Variants in ABCG1 observed in about 807,000 individuals in gnomAD.
ABCG1 encodes ATP-binding cassette sub-family G member 1.
A neutral mutation model predicts 69.2 loss-of-function variants in ABCG1; 29 were observed. That is an observed-to-expected ratio of 0.42 (90% CI 0.31 to 0.57). The LOEUF is 0.57. ABCG1 is among the 20% of genes least tolerant of loss of function. The pLI is 0.15. For missense variants in ABCG1, 718 were observed against 898.1 expected (o/e 0.80, Z 2.56); for synonymous variants, 370 against 374.8 (o/e 0.99, Z 0.15).
intron 7 of ABCG1, 59 bp downstream of exon 7, chr21:42,284,742 G>T: frequency 6.3e-7 from 1 of 1,575,168 alleles, no homozygotes; most frequent in South Asian, 1.1e-5. Context: ...CAGCCTGAAT[G>T]ACACCAAACC....
chr21:42,237,473 A>G (rs1292139163), intron 2 of ABCG1, among the ~76,000 whole-genome samples: 1 of 152,000 alleles, frequency 6.6e-6, no homozygotes, highest in Non-Finnish European at 1.5e-5. Context: ...TTTCTTGGTT[A>G]CTCTTCGTAC....
At position 42,276,684 on chromosome 21, in the gene ABCG1, A is replaced by G. The variant is rs1042908969; in HGVS notation, c.538-211A>G. 1.9e-5 allele frequency: 11 copies of G among 570,066 alleles called. No individual in the cohort carries two copies. The highest frequency in any genetic ancestry group is 3.4e-5 in the Non-Finnish European group (11 of 323,242). The allele number at this position is 570,066 out of a possible 1,614,324, so 35.3% of individuals were successfully genotyped here. ...CCTTATGCCTAGCTGCACTGTGGAT[A>G]GCTGCACCGTGACTAGTGGCACCGT... On this transcript the variant is annotated intron_variant, in intron 4 of 14. Coordinates refer to ENST00000398449, the MANE Select transcript of ABCG1 (RefSeq NM_016818.3). The surrounding 1 kb of genome is among the most constrained non-coding windows in gnomAD (Gnocchi z 5.3).
At position 42,278,787 on chromosome 21, in the gene ABCG1, G is replaced by A. The variant is rs8128750; in HGVS notation, c.588+1842G>A. ...AAAGCAGGTGTCAGAGCTGAGTCTC[G>A]GCGAAGTCTCCCATGGGAGATGAAC... On this transcript the variant is annotated intron_variant, in intron 5 of 14. Transcript: ENST00000398449. Among the ~76,000 whole-genome samples the A allele has an allele frequency of 5.6e-3, 848 of 152,224 alleles. 12 individuals carry two copies. Among genetic ancestry groups the A allele is most frequent in the African/African-American group, 0.02 (814 of 41,520 alleles).
intron 2 of ABCG1, among the ~76,000 whole-genome samples, chr21:42,235,063 CG>C (rs1161399721): frequency 7.2e-5 from 11 of 152,274 alleles, no homozygotes; most frequent in African/African-American, 2.6e-4. Flanking sequence ...GGGGATCACC[CG>C]GGCCATGCAA....
exon 2 of ABCG1, chr21:42,201,588 C>G: frequency 6.5e-7 from 1 of 1,544,940 alleles, no homozygotes; most frequent in Non-Finnish European, 8.7e-7. Flanking sequence ...GCTACACCAA[C>G]CTGAACTTCG....
At chr21:42,284,439 C>A in intron 6 of ABCG1, 121 bp from the exon 7 acceptor site, 1 of 1,253,750 alleles carries the variant, frequency 8.0e-7, no homozygotes, top group Non-Finnish European at 1.1e-6. Context: ...GACGGGGCAG[C>A]TGCAGCTGCA....
chr21:42,234,495 C>T (rs1264263240), intron 2 of ABCG1, among the ~76,000 whole-genome samples: 1 of 152,306 alleles, frequency 6.6e-6, no homozygotes, highest in East Asian at 1.9e-4. Flanking sequence ...CTCCCCGCAC[C>T]TGGCTGGGGG....
At chr21:42,251,288 A>C (rs955149212) in intron 2 of ABCG1, among the ~76,000 whole-genome samples, 1 of 152,106 alleles carries the variant, frequency 6.6e-6, no homozygotes, top group Non-Finnish European at 1.5e-5. Flanking sequence ...TGGAGGCCCA[A>C]CCGGGTGGCA....
At chr21:42,289,564 A>G (rs114670305) in intron 10 of ABCG1, among the ~76,000 whole-genome samples, 226 of 152,274 alleles carry the variant, frequency 1.5e-3, no homozygotes, top group African/African-American at 5.2e-3. Context: ...TAATTCTACC[A>G]GAGAAGTTGA....
At chr21:42,203,703 C>T (rs114363061) in intron 2 of ABCG1, among the ~76,000 whole-genome samples, 177 of 152,272 alleles carry the variant, frequency 1.2e-3, no homozygotes, top group African/African-American at 4.1e-3. Flanking sequence ...CTCCTTTATT[C>T]TTTGTTTTCA....
chr21:42,257,104 C>T (rs913238095), intron 2 of ABCG1, among the ~76,000 whole-genome samples: 1 of 152,226 alleles, frequency 6.6e-6, no homozygotes, highest in Admixed American at 6.5e-5. Context: ...TCATTTCATG[C>T]CCATTACCAG....
intron 2 of ABCG1, among the ~76,000 whole-genome samples, chr21:42,249,664 G>A (rs1299905900): frequency 1.3e-5 from 2 of 152,128 alleles, no homozygotes; most frequent in African/African-American, 4.8e-5. Flanking sequence ...GTAAATGTAA[G>A]GCAGTTTGAA....
intron 2 of ABCG1, among the ~76,000 whole-genome samples, chr21:42,207,809 T>C (rs1411306292): frequency 6.6e-6 from 1 of 152,202 alleles, no homozygotes; most frequent in Non-Finnish European, 1.5e-5. Context: ...AGACCTTAAC[T>C]ACTGTTCCCC....
At chr21:42,237,809 G>A (rs960234388) in intron 2 of ABCG1, among the ~76,000 whole-genome samples, 1 of 152,220 alleles carries the variant, frequency 6.6e-6, no homozygotes, top group Non-Finnish European at 1.5e-5. Flanking sequence ...TCTGAGGGCT[G>A]TTTCTTTGGC....
At chr21:42,243,435 CGTGTGTGTGCGCGTGT>C (rs2068080848) in intron 2 of ABCG1, among the ~76,000 whole-genome samples, 1 of 97,502 alleles carries the variant, frequency 1.0e-5, no homozygotes, top group Non-Finnish European at 2.0e-5. Flanking sequence ...ATTTTAATAC[CGTGTGTGTGCGCGTGT>C]GTGTGTGTGT....
intron 4 of ABCG1, among the ~76,000 whole-genome samples, chr21:42,275,480 T>C (rs895151027): frequency 5.3e-5 from 8 of 152,236 alleles, no homozygotes; most frequent in African/African-American, 1.4e-4. Flanking sequence ...GTTCCATGTA[T>C]GCCCTAAGTG....
intron 1 of ABCG1, 44 bp from the exon 2 acceptor site, chr21:42,225,627 A>G (rs755620121): frequency 3.8e-6 from 6 of 1,596,480 alleles, no homozygotes; most frequent in South Asian, 1.1e-5. Context: ...CTTTTTCTTG[A>G]TGCAGCTTAT....
chr21:42,242,223 G>T (rs2068062309), intron 2 of ABCG1, among the ~76,000 whole-genome samples: 1 of 152,206 alleles, frequency 6.6e-6, no homozygotes, highest in Non-Finnish European at 1.5e-5. Flanking sequence ...TATACAATGG[G>T]CCTGGCACAG....
intron 14 of ABCG1, chr21:42,294,984 G>A: frequency 6.4e-6 from 2 of 313,282 alleles, no homozygotes; most frequent in South Asian, 3.1e-5. Context: ...TCCCCGAAGT[G>A]CCGAGTGCTC....
Sources: allele counts gnomAD v4.1 joint callset (sites outside exome capture counted in the v4.1 genomes callset), GRCh38; gene constraint gnomAD v4.1.1; non-coding constraint Gnocchi (gnomAD v3.1); transcripts MANE v1.5; gene names NCBI Gene and HGNC (gene_info 2026-07-23, HGNC 2026-07-21).